The following C6 variants were observed in gnomAD, a reference collection of about 807,000 sequenced individuals.
C6 encodes the protein complement C6.
Under a neutral mutation model 112.9 loss-of-function variants are expected in C6, and 101 were observed. The ratio of observed to expected loss-of-function variants is 0.89; its 90% CI spans 0.76 to 1.06. The LOEUF (loss-of-function observed/expected upper bound fraction) is 1.06. Among genes scored for constraint, C6 ranks in the 50% least tolerant of loss-of-function variants. The probability of loss-of-function intolerance (pLI) is 0.00; values close to 1 mark genes in which losing one functional copy is unlikely to be tolerated. For missense variants in C6, 1,202 were observed against 1,104.6 expected, an observed-to-expected ratio of 1.09 and a Z score of -1.25; for synonymous variants, 431 against 384.1, an observed-to-expected ratio of 1.12 and a Z score of -1.43.
intron 3 of C6, among the ~76,000 whole-genome samples, chr5:41,201,097 G>A (rs183371681): frequency 3.0e-4 from 45 of 152,072 alleles, no homozygotes; most frequent in African/African-American, 1.0e-3. Flanking sequence ...CAGGCTATAT[G>A]TATAAGGTAT....
intron 5 of C6, among the ~76,000 whole-genome samples, chr5:41,188,341 CA>C (rs1749944579): frequency 3.9e-5 from 6 of 152,048 alleles, no homozygotes; most frequent in Non-Finnish European, 7.4e-5. Context: ...GGACAAAGTT[CA>C]AGGAATTACC....
intron 9 of C6, among the ~76,000 whole-genome samples, chr5:41,171,779 T>C (rs892058232): frequency 1.3e-5 from 2 of 152,192 alleles, no homozygotes; most frequent in Non-Finnish European, 2.9e-5. Context: ...CCAAAATAAT[T>C]CTTTTCACAA....
chr5:41,259,630 G>A (rs1412430296), intron 1 of C6, among the ~76,000 whole-genome samples: 1 of 151,802 alleles, frequency 6.6e-6, no homozygotes. Flanking sequence ...TAAACCCCTT[G>A]GCATAAATAT....
intron 17 of C6, among the ~76,000 whole-genome samples, chr5:41,144,761 C>G (rs1745660082): frequency 2.0e-5 from 3 of 151,972 alleles, no homozygotes; most frequent in Non-Finnish European, 4.4e-5. Flanking sequence ...TCAAGTCGGC[C>G]CTGGTGTCTG....
intron 1 of C6, among the ~76,000 whole-genome samples, chr5:41,256,261 G>A (rs1256950008): frequency 6.6e-6 from 1 of 151,930 alleles, no homozygotes; most frequent in East Asian, 1.9e-4. Flanking sequence ...GTGTGCATGT[G>A]TCTTTATAGC....
intron 1 of C6, among the ~76,000 whole-genome samples, chr5:41,250,430 T>A (rs1741279637): frequency 6.6e-6 from 1 of 152,204 alleles, no homozygotes; most frequent in Admixed American, 6.5e-5. Flanking sequence ...TTAAACTTAA[T>A]TTGTACCCAG....
In C6 at chr5:41,154,988, C is replaced by G; in HGVS notation, c.2085G>C (p.Gly695=). The change falls in exon 14 of 18, where the codon GGG becomes GGC. Residue 695 remains glycine (G), a synonymous_variant. Transcript: ENST00000337836. ...AGTTCTCACGTTGGCATTCCACATC[C>G]CCTTGTCTCCAGGTCCCGTCTGGTA... is the stretch of plus-strand genomic sequence containing the variant. The part of the protein sequence containing the change: ...RCLPDGTWRQ[G]DVECQRTECI... 1 of 1,613,780 alleles carries G rather than the reference C, an allele frequency of 6.2e-7. No individual in the cohort carries two copies. The highest frequency in any genetic ancestry group is 8.5e-7 in the Non-Finnish European group (1 of 1,179,750).
At chr5:41,221,519 G>A (rs1239368571) in intron 1 of C6, among the ~76,000 whole-genome samples, 1 of 152,116 alleles carries the variant, frequency 6.6e-6, no homozygotes, top group Non-Finnish European at 1.5e-5. Context: ...ATGTATATAA[G>A]ATCAGTGCTA....
chr5:41,213,675 G>T (rs1752077094), upstream of C6: 1 of 335,898 alleles, frequency 3.0e-6, no homozygotes, highest in Non-Finnish European at 4.2e-6. Flanking sequence ...TTCAATTCAA[G>T]GGCTATTGTA....
Position 41,161,828 on chromosome 5 carries a change from T to C in C6, c.1323A>G (p.Ile441Met), listed in dbSNP as rs1489077164. The change falls in exon 10 of 18, where the codon ATA becomes ATG. Residue 441 changes from isoleucine (I) to methionine (M), a missense_variant. By Grantham distance (10) the Ile-to-Met change is conservative (BLOSUM62 1). Coordinates refer to ENST00000337836, the MANE Select transcript of C6 (RefSeq NM_000065.5). The part of the protein sequence containing the change: ...GSFIQGAEKS[I>M]SLIRGGRSEY... ...CACTCCTTCCACCTCGAATCAGGGA[T>C]ATGGATTTCTCTGCTCCCTGTATAA... is the stretch of plus-strand genomic sequence containing the variant. The C allele has an allele frequency of 6.2e-7, 1 of 1,613,630 alleles. No homozygotes were observed. The highest frequency in any genetic ancestry group is 1.1e-5 in the South Asian group (1 of 91,082).
At chr5:41,209,972 C>T (rs1257653850) in intron 1 of C6, among the ~76,000 whole-genome samples, 1 of 152,124 alleles carries the variant, frequency 6.6e-6, no homozygotes, top group Admixed American at 6.5e-5. Flanking sequence ...AACTATATTA[C>T]AAGGCTACAG....
At position 41,200,891 on chromosome 5, in the gene C6, G is replaced by GTTT. The variant is rs143443464; in HGVS notation, c.300+664_300+666dup. Among the ~76,000 whole-genome samples, 409 of 70,642 alleles carry GTTT rather than the reference G, an allele frequency of 5.8e-3. 42 individuals are homozygous for GTTT. The highest frequency in any genetic ancestry group is 0.013 in the East Asian group (27 of 2,012). The allele number at this position is 70,642 out of a possible 152,430, so 46.3% of individuals were successfully genotyped here. On this transcript the variant is annotated intron_variant, in intron 3 of 17. Coordinates refer to ENST00000337836, the MANE Select transcript of C6 (RefSeq NM_000065.5). The stretch of plus-strand genomic sequence containing the variant: ...TGTTTTTGTTGTTGTTGTTGTTGTT[G>GTTT]TTTTTTTTTTTTTTTTTTTTTTTTT...
At chr5:41,218,676 G>A (rs888032028) in intron 1 of C6, among the ~76,000 whole-genome samples, 1 of 152,128 alleles carries the variant, frequency 6.6e-6, no homozygotes, top group Non-Finnish European at 1.5e-5. Context: ...CAAAGTGATA[G>A]GCCAGGATTG....
At chr5:41,195,488 A>C (rs1215386737) in intron 5 of C6, among the ~76,000 whole-genome samples, 2 of 152,196 alleles carry the variant, frequency 1.3e-5, no homozygotes, top group Admixed American at 1.3e-4. Flanking sequence ...GGCTTAGACC[A>C]GTCTGCTCTA....
intron 10 of C6, among the ~76,000 whole-genome samples, chr5:41,161,366 CA>C (rs1438940591): frequency 6.6e-6 from 1 of 151,908 alleles, no homozygotes; most frequent in Non-Finnish European, 1.5e-5. Context: ...GCAAGAAGAA[CA>C]CAGAAACCAG....
At chr5:41,244,586 T>A (rs1740912179) in intron 1 of C6, among the ~76,000 whole-genome samples, 2 of 152,182 alleles carry the variant, frequency 1.3e-5, no homozygotes, top group Non-Finnish European at 2.9e-5. Context: ...GCTCCCAAAT[T>A]TATAATTCTA....
chr5:41,217,191 CT>C (rs1223705427), upstream of C6, among the ~76,000 whole-genome samples: 1 of 152,084 alleles, frequency 6.6e-6, no homozygotes, highest in Non-Finnish European at 1.5e-5. Context: ...CATTTTCACA[CT>C]TTAGATCAGA....
chr5:41,230,133 T>C (rs770317992), intron 1 of C6, among the ~76,000 whole-genome samples: 4 of 152,170 alleles, frequency 2.6e-5, no homozygotes, highest in African/African-American at 4.8e-5. Flanking sequence ...AGAATGTACG[T>C]CATCTCAGGA....
At chr5:41,212,864 T>C (rs550334208) in intron 1 of C6, 25 of 152,336 alleles carry the variant, frequency 1.6e-4, no homozygotes, top group African/African-American at 6.0e-4. Flanking sequence ...TCTAATGTAT[T>C]TTACTCACAT....
Sources: gnomAD v4.1 joint callset for allele counts (sites outside exome capture counted in the v4.1 genomes callset) on GRCh38, gnomAD v4.1.1 for gene constraint, MANE v1.5 for transcripts, NCBI Gene and HGNC (gene_info 2026-07-23, HGNC 2026-07-21) for gene names.